ACO1: variants seen among roughly 807,000 people sequenced by gnomAD.
ACO1 encodes aconitase 1, also known as cytoplasmic aconitate hydratase.
In ACO1, 78 loss-of-function variants were observed where a neutral mutation model predicts 105.1. That is an observed-to-expected ratio of 0.74 (90% confidence interval 0.62 to 0.90). The LOEUF is 0.90. ACO1 is among the 40% of genes least tolerant of loss of function. ACO1 has a pLI of 0.00. For missense variants in ACO1, 965 were observed against 1,111.1 expected, an observed-to-expected ratio of 0.87 and a Z score of 1.87; for synonymous variants, 364 against 397.4, an observed-to-expected ratio of 0.92 and a Z score of 1.00.
Position 32,419,018 on chromosome 9 carries a change from G to T in ACO1, c.659-20G>T. On this transcript the variant is annotated intron_variant, in intron 6 of 20. Coordinates refer to ENST00000309951, the MANE Select transcript of ACO1 (RefSeq NM_002197.3). ...TAAGGGGTAATGAAGGCATTCTTCC[G>T]GTCATGCCGTTCATTGCAGGTGTCG... 2.6e-6 allele frequency: 4 copies of T among 1,568,202 alleles called. No homozygotes were observed. Among genetic ancestry groups the T allele is most frequent in the South Asian group, 1.2e-5 (1 of 84,662 alleles).
rs1458054869 is a variant in ACO1 at position 32,421,103 on chromosome 9, C to T, written c.970+76C>T. On this transcript the variant is annotated intron_variant, in intron 8 of 20. Coordinates refer to ENST00000309951, the MANE Select transcript of ACO1 (RefSeq NM_002197.3). ...ACACCAAGAATCTGAGCACTGCCTT[C>T]TGCCTCTACCCAACAGAAGGCACTG... 2.0e-6 allele frequency: 3 copies of T among 1,480,912 alleles called. No homozygotes were observed. In the East Asian group the frequency reaches 6.9e-5, roughly 34 times the overall value. The allele number at this position is 1,480,912 out of a possible 1,614,324, so 91.7% of individuals were successfully genotyped here.
chr9:32,433,244 GT>G (rs1183227539), intron 15 of ACO1, among the ~76,000 whole-genome samples: 4 of 152,076 alleles, frequency 2.6e-5, no homozygotes, highest in Non-Finnish European at 5.9e-5. Context: ...GTTGTTGTTT[GT>G]TTTTCAGAGA....
intron 4 of ACO1, among the ~76,000 whole-genome samples, chr9:32,411,500 A>G (rs1022125266): frequency 6.6e-6 from 1 of 152,200 alleles, no homozygotes; most frequent in African/African-American, 2.4e-5. Context: ...AAATATGGCA[A>G]AGTGTTAATA....
At chr9:32,394,057 T>C (rs1029232241) in intron 1 of ACO1, among the ~76,000 whole-genome samples, 3 of 152,218 alleles carry the variant, frequency 2.0e-5, no homozygotes, top group Non-Finnish European at 4.4e-5. Flanking sequence ...CCTTGCTCCA[T>C]CCCTTGTTTC....
chr9:32,445,588 AAC>A (rs1479351823), intron 19 of ACO1: 2 of 308,578 alleles, frequency 6.5e-6, no homozygotes, highest in Non-Finnish European at 1.3e-5. Flanking sequence ...TGATTTTTTG[AAC>A]AGTTTCTGGT....
chr9:32,431,635 C>T, intron 14 of ACO1, 84 bp from the exon 15 acceptor site: 2 of 1,461,198 alleles, frequency 1.4e-6, no homozygotes, highest in Non-Finnish European at 1.9e-6. Context: ...AACATAACTA[C>T]CGAGGAGAAC....
chr9:32,392,797 G>C (rs1034642454), intron 1 of ACO1, among the ~76,000 whole-genome samples: 16 of 152,194 alleles, frequency 1.1e-4, no homozygotes, highest in Non-Finnish European at 1.8e-4. Flanking sequence ...AACATAAATT[G>C]TGAAGATTTC....
chr9:32,425,503 A>G (rs771126217), intron 10 of ACO1, among the ~76,000 whole-genome samples: 56 of 152,230 alleles, frequency 3.7e-4, no homozygotes, highest in Non-Finnish European at 6.5e-4. Context: ...ATTGAGTTCA[A>G]TTTAGACTAA....
chr9:32,434,547 A>G lies in ACO1; in HGVS notation c.1957-12A>G, dbSNP rs1218339264. Reference sequence around the variant, plus strand: ...ACCTGGGCCAATGCTGACTTTTTGTATTCTTTGCTAGACTTTGGATCTTCA... The same window carrying G: ...ACCTGGGCCAATGCTGACTTTTTGTGTTCTTTGCTAGACTTTGGATCTTCA... On this transcript the variant is annotated splice_polypyrimidine_tract_variant and intron_variant, in intron 16 of 20. Transcript: ENST00000309951. The G allele has an allele frequency of 1.2e-6, 2 of 1,613,818 alleles. No individual in the cohort carries two copies. The highest frequency in any genetic ancestry group is 2.2e-5 in the South Asian group (2 of 91,056).
intron 4 of ACO1, among the ~76,000 whole-genome samples, chr9:32,416,328 C>T (rs1055932308): frequency 2.0e-5 from 3 of 152,034 alleles, no homozygotes; most frequent in East Asian, 1.9e-4. Context: ...CTCCTGACCT[C>T]GTGATCTGCC....
intron 1 of ACO1, among the ~76,000 whole-genome samples, chr9:32,389,545 A>T (rs559516774): frequency 6.6e-6 from 1 of 152,210 alleles, no homozygotes; most frequent in African/African-American, 2.4e-5. Flanking sequence ...CACACTTACC[A>T]TGTAGTCACA....
In ACO1 at chr9:32,450,070, G is replaced by A. The variant is rs764702759; in HGVS notation, c.2629G>A (p.Gly877Arg). ...TDVELTYFLN[G>R]GILNYMIRKM... ...TGTGGAGCTCACTTATTTCCTCAAC[G>A]GGGGCATCCTCAACTACATGATCCG... Residue 877 changes from glycine to arginine, a missense_variant, in exon 21 of 21, where the codon GGG becomes AGG. Transcript: ENST00000309951. 4.3e-6 allele frequency: 7 copies of A among 1,613,728 alleles called. No homozygotes were observed. Among genetic ancestry groups the A allele is most frequent in the Admixed American group, 1.7e-5 (1 of 59,996 alleles).
intron 1 of ACO1, among the ~76,000 whole-genome samples, chr9:32,396,853 G>C (rs927474092): frequency 6.6e-6 from 1 of 152,144 alleles, no homozygotes; most frequent in Non-Finnish European, 1.5e-5. Flanking sequence ...GTGAATGAAT[G>C]AATCATTGAA....
chr9:32,401,125 C>G (rs1450742633), intron 1 of ACO1, among the ~76,000 whole-genome samples: 2 of 151,972 alleles, frequency 1.3e-5, no homozygotes, highest in African/African-American at 4.8e-5. Flanking sequence ...CTTACTGTGG[C>G]TTTTGGAAAA....
chr9:32,384,839 G>A, intron 1 of ACO1, 104 bp downstream of exon 1: 1 of 246,184 alleles, frequency 4.1e-6, no homozygotes, highest in South Asian at 3.0e-5. Context: ...CCGAGGCAGT[G>A]GCGGCACGGG....
chr9:32,405,166 G>A (rs1821581860), intron 1 of ACO1, among the ~76,000 whole-genome samples: 2 of 152,154 alleles, frequency 1.3e-5, no homozygotes, highest in Non-Finnish European at 1.5e-5. Context: ...CCTCTTCAGT[G>A]TCTTGCGCCC....
Position 32,405,591 on chromosome 9 carries a change from G to A in ACO1, c.85G>A (p.Asp29Asn), listed in dbSNP as rs41313772. 1 of 1,609,376 alleles carries A rather than the reference G, an allele frequency of 6.2e-7. No homozygotes were observed. The highest frequency in any genetic ancestry group is 8.5e-7 in the Non-Finnish European group (1 of 1,176,264). ...KKFFNLNKLE[D>N]SRYGRLPFSI... ...ATTCTTCAATTTGAATAAATTGGAG[G>A]ATTCAAGATATGGTAGGTACATGGC... Residue 29 changes from aspartate to asparagine, a missense_variant, in exon 2 of 21, where the codon GAT (aspartate) becomes AAT (asparagine). Transcript: ENST00000309951.
At position 32,453,412 on chromosome 9, in the gene ACO1, T is replaced by C. The variant is rs1822811857; in HGVS notation, c.*3301T>C. The C allele has an allele frequency of 6.7e-6, 1 of 149,694 alleles. No individual in the cohort carries two copies. Among genetic ancestry groups the C allele is most frequent in the African/African-American group, 2.5e-5 (1 of 40,750 alleles). 9.3% of individuals were successfully genotyped at this position (149,694 alleles called of 1,614,324 possible). On this transcript the variant is annotated 3_prime_UTR_variant, in exon 21 of 21. Transcript: ENST00000309951. ...TTGAGGACAGTGGTGGCCATGACTA[T>C]GGGCTTGATTGGATCTAGTGACTCA... is the stretch of plus-strand genomic sequence containing the variant.
In ACO1 at chr9:32,384,651, A is replaced by C. The variant is rs144354424; in HGVS notation, c.-107A>C. 5.1e-6 allele frequency: 2 copies of C among 388,456 alleles called. No homozygotes were observed. Among genetic ancestry groups the C allele is most frequent in the South Asian group, 3.5e-5 (2 of 57,504 alleles). The allele number at this position is 388,456 out of a possible 1,614,324, so 24.1% of individuals were successfully genotyped here. On this transcript the variant is annotated 5_prime_UTR_variant, in exon 1 of 21. Coordinates refer to ENST00000309951, the MANE Select transcript of ACO1 (RefSeq NM_002197.3). ...AGAGGGGGCGGAGCGTGGAGGCGGC[A>C]GCTGGAACCGCGCAGCGCACGGGAA... is the stretch of plus-strand genomic sequence containing the variant.
Sources: allele counts gnomAD v4.1 joint callset (sites outside exome capture counted in the v4.1 genomes callset), GRCh38; gene constraint gnomAD v4.1.1; transcripts MANE v1.5; gene names NCBI Gene and HGNC (gene_info 2026-07-23, HGNC 2026-07-21).